TAF4: variants seen among roughly 807,000 people sequenced by gnomAD.
The protein encoded by TAF4 is TATA-box binding protein associated factor 4.
A neutral mutation model predicts 90.3 loss-of-function variants in TAF4; 9 were observed. That is an observed-to-expected ratio of 0.10 (90% CI 0.06 to 0.17). The LOEUF (loss-of-function observed/expected upper bound fraction) is 0.17. Ranked by LOEUF, TAF4 falls within the 10% of genes least tolerant of loss-of-function variation. The pLI is 1.00. For missense variants in TAF4, 1,351 were observed against 1,370.7 expected (o/e 0.99, Z 0.23); for synonymous variants, 818 against 638.9 (o/e 1.28, Z -4.23).
chr20:61,996,585 G>A (rs1353237891), intron 14 of TAF4, among the ~76,000 whole-genome samples: 2 of 152,008 alleles, frequency 1.3e-5, no homozygotes, highest in Non-Finnish European at 2.9e-5. Context: ...CAGATCATGA[G>A]ATCAAGAGAT....
At chr20:61,982,944 C>T (rs546915702) in intron 14 of TAF4, among the ~76,000 whole-genome samples, 1 of 152,232 alleles carries the variant, frequency 6.6e-6, no homozygotes, top group East Asian at 1.9e-4. Context: ...GCCAGCCAAG[C>T]CGCCTCCGGT....
Position 61,977,138 on chromosome 20 carries a change from C to T in TAF4, c.3091-803G>A, listed in dbSNP as rs547842461. Among the ~76,000 whole-genome samples the T allele has an allele frequency of 6.7e-5, 10 of 149,772 alleles. No individual in the cohort carries two copies. The East Asian group carries it at 1.8e-3, about 28-fold the overall frequency. On this transcript the variant is annotated intron_variant, in intron 14 of 14. Coordinates refer to ENST00000252996, the MANE Select transcript of TAF4 (RefSeq NM_003185.4). ...ACACACGACACCGCCCAGCGGGGCA[C>T]GCGCCACACACACGACACCGCCCAG...
In TAF4 at chr20:62,003,758, G is replaced by C. The variant is rs2055723436; in HGVS notation, c.2344C>G (p.Gln782Glu). 6.2e-7 allele frequency: 1 copy of C among 1,604,732 alleles called. No individual in the cohort carries two copies. Among genetic ancestry groups the C allele is most frequent in the South Asian group, 1.1e-5 (1 of 90,250 alleles). ...GGCTGCAGTGGGTTCAGCTGGATCT[G>C]CTGAGGCGTGGTGAGCATGATCCGG... Reference protein sequence around the residue: ...HNRIMLTTPQQIQLNPLQPVP... With the variant: ...HNRIMLTTPQEIQLNPLQPVP... The change falls in exon 8 of 15, where the codon CAG (glutamine) becomes GAG (glutamate). Residue 782 changes from glutamine (Q) to glutamate (E), a missense_variant. Physicochemically the swap from Gln to Glu is conservative, Grantham distance 29. Transcript: ENST00000252996.
chr20:62,013,909 GT>G (rs1568932062), intron 2 of TAF4, among the ~76,000 whole-genome samples: 2,137 of 79,002 alleles, frequency 0.027, 41 homozygotes, highest in South Asian at 0.083. Flanking sequence ...TGACGCGGGT[GT>G]GTGTGTGTGT....
In TAF4 at chr20:62,010,262, C is replaced by T. The variant is rs2055771154; in HGVS notation, c.1642-97G>A. 1 of 1,571,734 alleles carries T rather than the reference C, an allele frequency of 6.4e-7. No homozygotes were observed. Among genetic ancestry groups the T allele is most frequent in the South Asian group, 1.1e-5 (1 of 88,374 alleles). On this transcript the variant is annotated intron_variant, in intron 3 of 14. Coordinates refer to ENST00000252996, the MANE Select transcript of TAF4 (RefSeq NM_003185.4). This position sits in a 1 kb window ranked among gnomAD's most constrained non-coding sequence, Gnocchi z 4.5. Reference sequence around the variant, plus strand: ...GCCCAGCAAAAGAAAACAAGCCTCCCTGCGGTGGCCAGGACGCCCAGGAAG... The same window carrying T: ...GCCCAGCAAAAGAAAACAAGCCTCCTTGCGGTGGCCAGGACGCCCAGGAAG...
At chr20:61,989,105 C>A (rs1483238526) in intron 14 of TAF4, among the ~76,000 whole-genome samples, 2 of 152,132 alleles carry the variant, frequency 1.3e-5, no homozygotes, top group African/African-American at 4.8e-5. Context: ...GAAGCCCTGG[C>A]GTGCTAGGCA....
chr20:62,015,306 C>A (rs1259964477), intron 1 of TAF4, among the ~76,000 whole-genome samples: 1 of 152,262 alleles, frequency 6.6e-6, no homozygotes, highest in African/African-American at 2.4e-5. Context: ...GACAGGAGAA[C>A]CATTTGCCCG....
At chr20:62,059,097 AACG>A (rs1448599668) in intron 1 of TAF4, among the ~76,000 whole-genome samples, 2 of 152,190 alleles carry the variant, frequency 1.3e-5, no homozygotes, top group Non-Finnish European at 2.9e-5. Context: ...CGCGGTTCCC[AACG>A]ACAACTTCTG....
intron 1 of TAF4, among the ~76,000 whole-genome samples, chr20:62,033,761 G>A (rs1014492179): frequency 2.1e-4 from 31 of 151,116 alleles, no homozygotes; most frequent in African/African-American, 6.8e-4. Flanking sequence ...AAAGAAAAAG[G>A]GCCAGGTGAG....
chr20:62,016,247 G>A (rs2055811425), intron 1 of TAF4, among the ~76,000 whole-genome samples: 1 of 152,262 alleles, frequency 6.6e-6, no homozygotes, highest in South Asian at 2.1e-4. Context: ...CCCCATGTAT[G>A]TGGTTATTAT....
At chr20:61,997,720 C>T in intron 13 of TAF4, 51 bp from the exon 14 acceptor site, 1 of 1,567,746 alleles carries the variant, frequency 6.4e-7, no homozygotes, top group Non-Finnish European at 8.6e-7. Context: ...ATGTTTTTTA[C>T]TTACTACAAA....
At chr20:62,043,927 G>A (rs943611936) in intron 1 of TAF4, among the ~76,000 whole-genome samples, 1 of 152,210 alleles carries the variant, frequency 6.6e-6, no homozygotes, top group Non-Finnish European at 1.5e-5. Context: ...TAAGCCCACT[G>A]CAGGCTGGAC....
intron 1 of TAF4, among the ~76,000 whole-genome samples, chr20:62,062,588 G>A (rs1290142577): frequency 6.6e-6 from 1 of 152,118 alleles, no homozygotes; most frequent in Non-Finnish European, 1.5e-5. Context: ...CTGTTCCTCT[G>A]TCCTCACACA....
intron 1 of TAF4, among the ~76,000 whole-genome samples, chr20:62,035,607 G>A (rs1418753580): frequency 6.6e-6 from 1 of 152,264 alleles, no homozygotes; most frequent in East Asian, 1.9e-4. Context: ...TATCATTTTA[G>A]AAGAAAATAC....
chr20:62,024,174 T>G (rs929461267), intron 1 of TAF4, among the ~76,000 whole-genome samples: 1 of 152,166 alleles, frequency 6.6e-6, no homozygotes, highest in Non-Finnish European at 1.5e-5. Flanking sequence ...CACACGCGGA[T>G]GGACAAAGGC....
intron 1 of TAF4, among the ~76,000 whole-genome samples, chr20:62,052,342 T>A (rs1419740406): frequency 6.7e-6 from 1 of 149,554 alleles, no homozygotes; most frequent in Non-Finnish European, 1.5e-5. Context: ...CTCCTTAAAA[T>A]ACAAACAGGA....
chr20:61,997,089 A>G (rs1400753129), intron 14 of TAF4, among the ~76,000 whole-genome samples: 2 of 152,256 alleles, frequency 1.3e-5, no homozygotes, highest in African/African-American at 2.4e-5. Context: ...GTTTATAATT[A>G]TTAGACTAAA....
Position 62,014,580 on chromosome 20 carries a change from T to C in TAF4, c.1488A>G (p.Thr496=). 6.2e-7 allele frequency: 1 copy of C among 1,612,942 alleles called. No individual in the cohort carries two copies. Among genetic ancestry groups the C allele is most frequent in the Non-Finnish European group, 8.5e-7 (1 of 1,179,552 alleles). The change falls in exon 2 of 15, where the codon ACA becomes ACG. Residue 496 remains threonine, a synonymous_variant. Coordinates refer to ENST00000252996, the MANE Select transcript of TAF4 (RefSeq NM_003185.4). The part of the protein sequence containing the change: ...TTMAPRPATP[T]SAPPVQISTV... ...TGGAGATCTGGACGGGAGGGGCACT[T>C]GTGGGGGTGGCAGGGCGAGGCGCCA...
intron 1 of TAF4, among the ~76,000 whole-genome samples, chr20:62,030,965 G>C (rs2055901421): frequency 6.6e-6 from 1 of 152,286 alleles, no homozygotes; most frequent in South Asian, 2.1e-4. Context: ...TTCCTGAAAT[G>C]CCTGAGTCTA....
Sources: allele counts gnomAD v4.1 joint callset (sites outside exome capture counted in the v4.1 genomes callset), GRCh38; gene constraint gnomAD v4.1.1; non-coding constraint Gnocchi (gnomAD v3.1); transcripts MANE v1.5; gene names NCBI Gene and HGNC (gene_info 2026-07-23, HGNC 2026-07-21).